The following EML4 variants were observed in gnomAD, a reference collection of about 807,000 sequenced individuals.
EML4 encodes EMAP like 4.
In EML4, 72 loss-of-function variants were observed where a neutral mutation model predicts 129.0. That is an observed-to-expected ratio of 0.56 (90% CI 0.46 to 0.68). The LOEUF is 0.68. Among genes scored for constraint, EML4 ranks in the 30% least tolerant of loss-of-function variants. EML4 has a pLI of 0.00. For missense variants in EML4, 1,363 were observed against 1,190.6 expected, an observed-to-expected ratio of 1.14 and a Z score of -2.13; for synonymous variants, 532 against 405.0, an observed-to-expected ratio of 1.31 and a Z score of -3.77.
chr2:42,263,152 C>G, intron 4 of EML4, 26 bp from the exon 5 acceptor site: 1 of 1,590,056 alleles, frequency 6.3e-7, no homozygotes, highest in Non-Finnish European at 8.6e-7. Context: ...CAGAATTTTT[C>G]TCTAAGAAAT....
intron 3 of EML4, among the ~76,000 whole-genome samples, chr2:42,256,996 C>G (rs968946980): frequency 3.9e-5 from 6 of 152,286 alleles, no homozygotes; most frequent in Admixed American, 2.6e-4. Flanking sequence ...AAAGGCAAAA[C>G]AGAATCTTCG....
At chr2:42,249,056 T>G (rs1675599934) in intron 2 of EML4, among the ~76,000 whole-genome samples, 1 of 152,190 alleles carries the variant, frequency 6.6e-6, no homozygotes, top group Non-Finnish European at 1.5e-5. Context: ...GGAATTTAAG[T>G]GACTCTTCAC....
At chr2:42,188,571 A>T (rs1671400783) in intron 1 of EML4, among the ~76,000 whole-genome samples, 1 of 151,480 alleles carries the variant, frequency 6.6e-6, no homozygotes, top group Non-Finnish European at 1.5e-5. Context: ...TTTGAGACAG[A>T]GTCTTGCTTT....
chr2:42,209,414 A>G (rs553224508), intron 1 of EML4, among the ~76,000 whole-genome samples: 13 of 152,300 alleles, frequency 8.5e-5, no homozygotes, highest in Admixed American at 2.0e-4. Context: ...TTTAATCCTC[A>G]CAGCAGTCTT....
intron 2 of EML4, among the ~76,000 whole-genome samples, chr2:42,249,521 T>G (rs1322275751): frequency 6.6e-6 from 1 of 152,148 alleles, no homozygotes; most frequent in Non-Finnish European, 1.5e-5. Context: ...ATGGTTTTGC[T>G]AGATGGTGGT....
Position 42,261,319 on chromosome 2 carries a change from G to A in EML4, c.512+25G>A, listed in dbSNP as rs1665720276. On this transcript the variant is annotated intron_variant, in intron 4 of 22. Coordinates refer to ENST00000318522, the MANE Select transcript of EML4 (RefSeq NM_019063.5). ...GGTTTTAACTGTCCCCAAGTACAGA[G>A]CTAGGGAATGGTTGTAATGATACCT... 4 of 1,579,842 alleles carry A rather than the reference G, an allele frequency of 2.5e-6. No individual in the cohort carries two copies. In the African/African-American group the frequency reaches 5.4e-5, roughly 21 times the overall value.
chr2:42,238,815 G>T (rs1014349145), intron 1 of EML4, among the ~76,000 whole-genome samples: 1 of 152,096 alleles, frequency 6.6e-6, no homozygotes, highest in Non-Finnish European at 1.5e-5. Context: ...ACAGGGTCTT[G>T]CTCTGTCACG....
At chr2:42,252,028 AC>A (rs1045774250) in intron 2 of EML4, among the ~76,000 whole-genome samples, 6 of 152,200 alleles carry the variant, frequency 3.9e-5, no homozygotes, top group African/African-American at 1.2e-4. Context: ...AGTTATAGAA[AC>A]AGGAAGTTGT....
intron 1 of EML4, among the ~76,000 whole-genome samples, chr2:42,224,388 T>C (rs1673815927): frequency 6.6e-6 from 1 of 152,186 alleles, no homozygotes; most frequent in Non-Finnish European, 1.5e-5. Flanking sequence ...TGTTTCGTTC[T>C]TTTTTATTGG....
intron 17 of EML4, among the ~76,000 whole-genome samples, chr2:42,311,510 C>T (rs1213304520): frequency 6.6e-6 from 1 of 151,628 alleles, no homozygotes; most frequent in Non-Finnish European, 1.5e-5. Context: ...AACTGCACTC[C>T]AGCCTGGGCA....
At chr2:42,173,738 G>A (rs1670410403) in intron 1 of EML4, among the ~76,000 whole-genome samples, 1 of 152,164 alleles carries the variant, frequency 6.6e-6, no homozygotes, top group African/African-American at 2.4e-5. Context: ...CAGCTACTTG[G>A]GAGGCTGAGG....
At chr2:42,326,316 G>A in intron 21 of EML4, 64 bp downstream of exon 21, 1 of 1,091,548 alleles carries the variant, frequency 9.2e-7, no homozygotes, top group Non-Finnish European at 1.3e-6. Flanking sequence ...ATATTTACTT[G>A]CTTAAATTTA....
rs1041520295 is a variant in EML4 at position 42,331,248 on chromosome 2, G to C, written c.*1041G>C. On this transcript the variant is annotated 3_prime_UTR_variant, in exon 23 of 23. Transcript: ENST00000318522. ...CAAATTGCAAATTCTTTTTTTTACA[G>C]AAGTGTGGGTAACAGTCACAGCAGT... 1 of 222,284 alleles carries C rather than the reference G, an allele frequency of 4.5e-6. No individual in the cohort carries two copies. Among genetic ancestry groups the C allele is most frequent in the Non-Finnish European group, 9.0e-6 (1 of 111,058 alleles). 13.8% of individuals were successfully genotyped at this position (222,284 alleles called of 1,614,324 possible).
chr2:42,234,871 C>G (rs541705845), intron 1 of EML4, among the ~76,000 whole-genome samples: 1 of 152,330 alleles, frequency 6.6e-6, no homozygotes, highest in East Asian at 1.9e-4. Flanking sequence ...AAACAATTAT[C>G]TAGGCCGGGC....
In EML4 at chr2:42,300,892, A is replaced by G. The variant is rs756247609; in HGVS notation, c.1490-349A>G. On this transcript the variant is annotated intron_variant, in intron 13 of 22. Coordinates refer to ENST00000318522, the MANE Select transcript of EML4 (RefSeq NM_019063.5). The stretch of plus-strand genomic sequence containing the variant: ...CTCTCATATCAGAAGAGTGACACCT[A>G]CCCTAGCTACCATACAAGATGATTA... Among the ~76,000 whole-genome samples the G allele has an allele frequency of 2.8e-4, 42 of 152,124 alleles. 1 individual carries two copies. Among genetic ancestry groups the G allele is most frequent in the Non-Finnish European group, 1.8e-4 (12 of 67,984 alleles).
At chr2:42,172,877 A>G (rs1670359486) in intron 1 of EML4, among the ~76,000 whole-genome samples, 1 of 152,178 alleles carries the variant, frequency 6.6e-6, no homozygotes, top group Non-Finnish European at 1.5e-5. Context: ...TCTCTTTCAT[A>G]ATAGAGGTTT....
chr2:42,229,396 C>G (rs1272195482), intron 1 of EML4, among the ~76,000 whole-genome samples: 1 of 152,136 alleles, frequency 6.6e-6, no homozygotes, highest in Non-Finnish European at 1.5e-5. Context: ...CAGTCTAAAT[C>G]CAGCACTGTG....
chr2:42,220,382 C>T (rs991986093), intron 1 of EML4, among the ~76,000 whole-genome samples: 1 of 151,912 alleles, frequency 6.6e-6, no homozygotes, highest in Non-Finnish European at 1.5e-5. Context: ...CAAACTTTTT[C>T]ACTATTATTA....
At chr2:42,314,080 C>T (rs1201117537) in intron 17 of EML4, among the ~76,000 whole-genome samples, 3 of 151,958 alleles carry the variant, frequency 2.0e-5, no homozygotes, top group South Asian at 2.1e-4. Flanking sequence ...AAAAACTTGC[C>T]GGGCATGGTG....
Sources: gnomAD v4.1 joint callset for allele counts (sites outside exome capture counted in the v4.1 genomes callset) on GRCh38, gnomAD v4.1.1 for gene constraint, MANE v1.5 for transcripts, NCBI Gene and HGNC (gene_info 2026-07-23, HGNC 2026-07-21) for gene names.